Variants in GLIS3 observed in about 807,000 individuals in gnomAD.
The protein encoded by GLIS3 is GLIS family zinc finger 3, also known as zinc finger protein GLIS3.
A neutral mutation model predicts 78.6 loss-of-function variants in GLIS3; 53 were observed. The observed-to-expected ratio is 0.67, with a 90% CI of 0.54 to 0.85. The LOEUF (loss-of-function observed/expected upper bound fraction) is 0.85, where lower values mean the gene tolerates loss of function less well. Ranked by LOEUF, GLIS3 falls within the 40% of genes least tolerant of loss-of-function variation. The probability of loss-of-function intolerance (pLI) is 0.00; values close to 1 mark genes in which losing one functional copy is unlikely to be tolerated. For synonymous variants in GLIS3, 684 were observed against 509.9 expected (o/e 1.34, Z -4.60); for missense variants, 1,703 against 1,231.1 (o/e 1.38, Z -5.74).
chr9:3,968,094 G>C (rs1203159017), intron 4 of GLIS3, among the ~76,000 whole-genome samples: 2 of 152,110 alleles, frequency 1.3e-5, no homozygotes, highest in African/African-American at 2.4e-5. Flanking sequence ...AATACGATGT[G>C]GATTCTTGAG....
At chr9:4,445,827 G>A in the GLIS3 span, among the ~76,000 whole-genome samples, 90 of 152,234 alleles carry the variant, frequency 5.9e-4, 1 homozygote, top group African/African-American at 1.9e-3. Flanking sequence ...AGAGATGCTG[G>A]CTGCCAGTTG....
At chr9:4,408,595 C>G in the GLIS3 span, among the ~76,000 whole-genome samples, 9 of 148,838 alleles carry the variant, frequency 6.0e-5, no homozygotes, top group South Asian at 2.2e-4. Context: ...GGCGCGGTGG[C>G]GGGCGCCTGT....
At chr9:4,226,182 T>C (rs139975310) in intron 2 of GLIS3, among the ~76,000 whole-genome samples, 98 of 152,282 alleles carry the variant, frequency 6.4e-4, no homozygotes, top group African/African-American at 2.4e-3. Flanking sequence ...ACGTATTGGA[T>C]ACTCAAATTA....
intron 2 of GLIS3, among the ~76,000 whole-genome samples, chr9:4,310,860 T>C (rs1213096340): frequency 1.3e-5 from 2 of 152,204 alleles, no homozygotes; most frequent in African/African-American, 4.8e-5. Context: ...GATGTTGATG[T>C]TTTACACTTC....
At chr9:4,296,863 G>A (rs1010619377) in intron 1 of GLIS3, among the ~76,000 whole-genome samples, 11 of 145,904 alleles carry the variant, frequency 7.5e-5, no homozygotes, top group African/African-American at 2.6e-4. Context: ...ACTGCAGTAC[G>A]GTTATAGATG....
chr9:4,431,996 T>G, the GLIS3 span, among the ~76,000 whole-genome samples: 2 of 152,120 alleles, frequency 1.3e-5, no homozygotes, highest in Admixed American at 1.3e-4. Flanking sequence ...CCAGTAAAAC[T>G]TTTTTTACAA....
chr9:3,968,331 C>A (rs1350730454), intron 4 of GLIS3, among the ~76,000 whole-genome samples: 1 of 152,172 alleles, frequency 6.6e-6, no homozygotes. Context: ...GGGAGCTTAA[C>A]AGCACTTGTC....
chr9:4,024,921 G>T (rs1039974483), intron 4 of GLIS3, among the ~76,000 whole-genome samples: 2 of 152,040 alleles, frequency 1.3e-5, no homozygotes, highest in African/African-American at 4.8e-5. Flanking sequence ...TTCATCACTC[G>T]ATCCCTAGCA....
At chr9:4,234,552 T>C (rs985272156) in intron 2 of GLIS3, among the ~76,000 whole-genome samples, 2 of 152,194 alleles carry the variant, frequency 1.3e-5, no homozygotes, top group Non-Finnish European at 2.9e-5. Context: ...ACATCACTGT[T>C]CATGGATCTT....
At chr9:3,845,487 G>A (rs1301860329) in intron 9 of GLIS3, among the ~76,000 whole-genome samples, 1 of 152,104 alleles carries the variant, frequency 6.6e-6, no homozygotes, top group Non-Finnish European at 1.5e-5. Context: ...AAGGCTGGGA[G>A]GGGACTTAAA....
chr9:4,253,001 G>A (rs1034340039), intron 2 of GLIS3, among the ~76,000 whole-genome samples: 10 of 152,174 alleles, frequency 6.6e-5, no homozygotes, highest in South Asian at 4.1e-4. Flanking sequence ...TTCCAGGGGG[G>A]CACCTGCCAG....
the GLIS3 span, among the ~76,000 whole-genome samples, chr9:4,469,118 G>A: frequency 1.3e-5 from 2 of 152,208 alleles, no homozygotes; most frequent in Admixed American, 6.5e-5. Flanking sequence ...CAATATGGGA[G>A]CACCCAGATT....
At chr9:4,019,929 A>C (rs1390741564) in intron 4 of GLIS3, among the ~76,000 whole-genome samples, 2 of 150,292 alleles carry the variant, frequency 1.3e-5, no homozygotes, top group East Asian at 1.9e-4. Context: ...CTAACATATA[A>C]ATTTTTTTTG....
At chr9:4,144,893 G>A (rs1404683596) in intron 2 of GLIS3, 2 of 152,170 alleles carry the variant, frequency 1.3e-5, no homozygotes, top group Non-Finnish European at 2.9e-5. Context: ...AGAACATGCT[G>A]TTTATTTACA....
chr9:3,899,567 C>T (rs922142688), intron 6 of GLIS3, among the ~76,000 whole-genome samples: 3 of 151,222 alleles, frequency 2.0e-5, no homozygotes, highest in African/African-American at 4.9e-5. Flanking sequence ...AAAATATTAA[C>T]GTTCTGCTTG....
chr9:4,272,886 C>T (rs959839145), intron 2 of GLIS3, among the ~76,000 whole-genome samples: 6 of 152,204 alleles, frequency 3.9e-5, no homozygotes, highest in Non-Finnish European at 5.9e-5. Context: ...AATAGGGCCT[C>T]ATTTAAGTCT....
intron 4 of GLIS3, among the ~76,000 whole-genome samples, chr9:3,942,974 A>G (rs566330582): frequency 2.0e-5 from 3 of 152,284 alleles, no homozygotes; most frequent in East Asian, 1.9e-4. Flanking sequence ...GTTAAATCTA[A>G]TTTTAAAATT....
the GLIS3 span, among the ~76,000 whole-genome samples, chr9:4,469,407 G>C: frequency 3.3e-5 from 5 of 152,220 alleles, no homozygotes; most frequent in South Asian, 6.2e-4. Flanking sequence ...CTCAGCAAAT[G>C]TAAAAGAACA....
At chr9:4,104,251 C>G (rs1237648052) in intron 4 of GLIS3, among the ~76,000 whole-genome samples, 2 of 152,094 alleles carry the variant, frequency 1.3e-5, no homozygotes, top group African/African-American at 4.8e-5. Context: ...CTCCCTAAAT[C>G]TCCCATGATC....
Sources: allele counts gnomAD v4.1 joint callset (sites outside exome capture counted in the v4.1 genomes callset), GRCh38; gene constraint gnomAD v4.1.1; transcripts MANE v1.5; gene names NCBI Gene and HGNC (gene_info 2026-07-23, HGNC 2026-07-21).